Variants in CDH18 observed in about 807,000 individuals in gnomAD.
The protein encoded by CDH18 is cadherin-18.
In CDH18, 31 loss-of-function variants were observed where a neutral mutation model predicts 67.9. The observed-to-expected ratio is 0.46, with a 90% CI of 0.34 to 0.62. The LOEUF (loss-of-function observed/expected upper bound fraction) is 0.62. CDH18 is among the 20% of genes least tolerant of loss of function. The probability of loss-of-function intolerance (pLI) is 0.01; values close to 1 mark genes in which losing one functional copy is unlikely to be tolerated. For synonymous variants in CDH18, 362 were observed against 347.2 expected, an observed-to-expected ratio of 1.04 and a Z score of -0.48; for missense variants, 890 against 975.5, an observed-to-expected ratio of 0.91 and a Z score of 1.17.
intron 2 of CDH18, among the ~76,000 whole-genome samples, chr5:19,856,837 TTGGTATTTGTTA>T (rs1246111918): frequency 6.6e-6 from 1 of 152,128 alleles, no homozygotes; most frequent in East Asian, 1.9e-4. Flanking sequence ...CACCCACTCT[TTGGTATTTGTTA>T]TGGCAGCCCT....
At chr5:19,650,547 A>G (rs1561541974) in intron 5 of CDH18, among the ~76,000 whole-genome samples, 1 of 152,070 alleles carries the variant, frequency 6.6e-6, no homozygotes, top group South Asian at 2.1e-4. Flanking sequence ...AAGAGAAAAT[A>G]AAGAGGACAC....
intron 2 of CDH18, among the ~76,000 whole-genome samples, chr5:20,197,605 C>A (rs1739083806): frequency 6.6e-6 from 1 of 152,126 alleles, no homozygotes; most frequent in African/African-American, 2.4e-5. Flanking sequence ...TGATTTTGTC[C>A]TAGGGCACCC....
At chr5:20,043,548 C>A (rs530073200) in intron 2 of CDH18, among the ~76,000 whole-genome samples, 3 of 152,292 alleles carry the variant, frequency 2.0e-5, no homozygotes, top group African/African-American at 7.2e-5. Context: ...ACTATACAAC[C>A]TTTCATGGTC....
In CDH18 at chr5:19,703,271, G is replaced by T. The variant is rs1467414527; in HGVS notation, c.643+18076C>A. 2.6e-5 allele frequency among the ~76,000 whole-genome samples: 4 copies of T among 152,084 alleles called. No individual in the cohort carries two copies. In the East Asian group the frequency reaches 5.8e-4, roughly 22 times the overall value. On this transcript the variant is annotated intron_variant, in intron 5 of 12. Coordinates refer to ENST00000382275, the MANE Select transcript of CDH18 (RefSeq NM_004934.5). ...CGGTTGGAGAACATGGAACTAAGCT[G>T]GAGGACACCTGAGTACTCTTAAGCA... is the stretch of plus-strand genomic sequence containing the variant.
Position 19,774,929 on chromosome 5 carries a change from C to A in CDH18, c.229-27693G>T, listed in dbSNP as rs150380692. On this transcript the variant is annotated intron_variant, in intron 3 of 12. Transcript: ENST00000382275. ...GAAAAGGACCTACAACAGAACCCAA[C>A]GGACCACGCAATACCCTGATGTTGG... 3.3e-3 allele frequency among the ~76,000 whole-genome samples: 490 copies of A among 148,032 alleles called. 4 individuals are homozygous for A. The highest frequency in any genetic ancestry group is 0.011 in the African/African-American group (451 of 40,150).
intron 2 of CDH18, among the ~76,000 whole-genome samples, chr5:20,155,197 T>C (rs1751430510): frequency 1.3e-5 from 2 of 152,190 alleles, no homozygotes; most frequent in Non-Finnish European, 2.9e-5. Context: ...TAATGTAAAC[T>C]AGTATTTTTC....
intron 6 of CDH18, 120 bp downstream of exon 6, chr5:19,612,314 T>A: frequency 1.1e-6 from 1 of 893,370 alleles, no homozygotes; most frequent in Non-Finnish European, 1.7e-6. Context: ...GGTGATCATA[T>A]AGTACAAAAA....
chr5:19,837,805 A>G (rs1396076609), intron 3 of CDH18, among the ~76,000 whole-genome samples: 5 of 110,840 alleles, frequency 4.5e-5, no homozygotes, highest in Admixed American at 9.4e-5. Flanking sequence ...TAAATCATCA[A>G]TCGGGGGATA....
At chr5:20,120,766 A>G (rs79844485) in intron 2 of CDH18, among the ~76,000 whole-genome samples, 1,574 of 152,272 alleles carry the variant, frequency 0.01, 28 homozygotes, top group African/African-American at 0.036. Flanking sequence ...GTAGCCAATT[A>G]TAATCCAAAA....
chr5:20,072,783 A>G (rs954345974), intron 2 of CDH18, among the ~76,000 whole-genome samples: 1 of 151,926 alleles, frequency 6.6e-6, no homozygotes, highest in African/African-American at 2.4e-5. Context: ...TGGAACTTTG[A>G]CAAATTAATC....
At chr5:20,394,543 A>G (rs1447457330) in intron 1 of CDH18, among the ~76,000 whole-genome samples, 1 of 151,668 alleles carries the variant, frequency 6.6e-6, no homozygotes, top group Non-Finnish European at 1.5e-5. Flanking sequence ...ACTAACAAAT[A>G]GCCCAAAAGC....
At chr5:20,350,732 T>C (rs895394304) in intron 1 of CDH18, among the ~76,000 whole-genome samples, 2 of 152,224 alleles carry the variant, frequency 1.3e-5, no homozygotes, top group African/African-American at 2.4e-5. Flanking sequence ...ATTTCAGAAC[T>C]GTGACAGTGA....
intron 2 of CDH18, among the ~76,000 whole-genome samples, chr5:20,056,841 G>A (rs1438251609): frequency 2.0e-5 from 3 of 151,170 alleles, no homozygotes; most frequent in Non-Finnish European, 4.4e-5. Context: ...CCACCACCAC[G>A]CCCGGCTAAT....
intron 2 of CDH18, among the ~76,000 whole-genome samples, chr5:20,116,422 C>T (rs796967544): frequency 6.6e-5 from 10 of 151,580 alleles, no homozygotes; most frequent in African/African-American, 1.2e-4. Flanking sequence ...GAGGCTGAGA[C>T]GGAGAATCAC....
intron 2 of CDH18, among the ~76,000 whole-genome samples, chr5:20,065,708 T>G (rs1295738780): frequency 1.3e-5 from 2 of 152,052 alleles, no homozygotes; most frequent in Admixed American, 6.6e-5. Context: ...TCATGTAATT[T>G]ATTAAATGCT....
chr5:20,327,093 A>G (rs1738670724), intron 1 of CDH18, among the ~76,000 whole-genome samples: 1 of 152,158 alleles, frequency 6.6e-6, no homozygotes, highest in Non-Finnish European at 1.5e-5. Flanking sequence ...AGGGAGCTAT[A>G]ACTATGTATT....
intron 3 of CDH18, among the ~76,000 whole-genome samples, chr5:19,754,003 G>A (rs1039837426): frequency 6.6e-6 from 1 of 152,026 alleles, no homozygotes; most frequent in Non-Finnish European, 1.5e-5. Context: ...ACAAATCCTT[G>A]AAACGCATCA....
intron 1 of CDH18, among the ~76,000 whole-genome samples, chr5:20,551,725 C>T (rs554467673): frequency 3.9e-5 from 6 of 152,042 alleles, no homozygotes; most frequent in Non-Finnish European, 8.8e-5. Context: ...TTTTAAGTCA[C>T]CAAAGATGAG....
At chr5:20,413,958 A>G (rs1462414693) in intron 1 of CDH18, among the ~76,000 whole-genome samples, 3 of 152,152 alleles carry the variant, frequency 2.0e-5, no homozygotes, top group African/African-American at 7.2e-5. Context: ...CTAACATTTA[A>G]GTGTTGAATC....
Sources: allele counts gnomAD v4.1 joint callset (sites outside exome capture counted in the v4.1 genomes callset), GRCh38; gene constraint gnomAD v4.1.1; transcripts MANE v1.5; gene names NCBI Gene and HGNC (gene_info 2026-07-23, HGNC 2026-07-21).